SAMD5: variants seen among roughly 807,000 people sequenced by gnomAD.
SAMD5 encodes sterile alpha motif domain-containing protein 5.
SAMD5 carries 13 observed loss-of-function variants against 11.3 expected under a neutral mutation model. The observed-to-expected ratio is 1.15, with a 90% confidence interval of 0.75 to 1.83. The LOEUF is 1.83. Among genes scored for constraint, SAMD5 ranks in the 40% most tolerant of loss-of-function variants. The pLI, the probability that SAMD5 is intolerant of heterozygous loss-of-function variation, is 0.00. For missense variants in SAMD5, 255 were observed against 239.1 expected, an observed-to-expected ratio of 1.07 and a Z score of -0.44; for synonymous variants, 129 against 111.3, an observed-to-expected ratio of 1.16 and a Z score of -1.00.
At chr6:147,645,404 T>C (rs1003379750) in intron 1 of SAMD5, among the ~76,000 whole-genome samples, 2 of 152,148 alleles carry the variant, frequency 1.3e-5, no homozygotes, top group African/African-American at 4.8e-5. Flanking sequence ...CCACGCAATA[T>C]AATTTTAAAG....
chr6:147,659,519 G>T (rs1284337248), intron 1 of SAMD5, among the ~76,000 whole-genome samples: 1 of 152,130 alleles, frequency 6.6e-6, no homozygotes, highest in East Asian at 1.9e-4. Context: ...TAAATGGGAT[G>T]GTTTGGATGA....
In SAMD5 at chr6:147,688,405, C is replaced by T. The variant is rs559177238; in HGVS notation, c.163-48912C>T. ...GATTCTCAGTGATAGTTATCTTTAT[C>T]CAAAATAGGCATACTTTTATTTCAG... On this transcript the variant is annotated intron_variant, in intron 1 of 1. Coordinates refer to the SAMD5 transcript ENST00000566741. Among the ~76,000 whole-genome samples, 8 of 152,124 alleles carry T rather than the reference C, an allele frequency of 5.3e-5. No homozygotes were observed. The South Asian group carries it at 8.3e-4, about 16-fold the overall frequency.
At chr6:147,742,727 AAGATAATGAAGTTTCT>A in the SAMD5 span, among the ~76,000 whole-genome samples, 69 of 152,334 alleles carry the variant, frequency 4.5e-4, no homozygotes, top group African/African-American at 1.6e-3. Context: ...CCCGAAGATT[AAGATAATGAAGTTTCT>A]CCTTGATCAC....
chr6:147,726,443 G>A (rs941304012), intron 1 of SAMD5, among the ~76,000 whole-genome samples: 8 of 152,242 alleles, frequency 5.3e-5, no homozygotes, highest in South Asian at 2.1e-4. Flanking sequence ...TTGCTTATAC[G>A]GAGACCCAGG....
At chr6:147,528,131 G>A (rs1304638153) in intron 1 of SAMD5, among the ~76,000 whole-genome samples, 1 of 152,122 alleles carries the variant, frequency 6.6e-6, no homozygotes, top group African/African-American at 2.4e-5. Context: ...CAACACTGGG[G>A]ATTACAATTT....
chr6:147,586,628 C>T (rs191839608), intron 1 of SAMD5, among the ~76,000 whole-genome samples: 20 of 151,832 alleles, frequency 1.3e-4, no homozygotes, highest in Admixed American at 1.1e-3. Context: ...TTCTTCAATA[C>T]TCTGTGATAA....
chr6:147,946,696 T>G, the SAMD5 span, among the ~76,000 whole-genome samples: 1 of 152,236 alleles, frequency 6.6e-6, no homozygotes, highest in East Asian at 1.9e-4. Context: ...TTCTGCGCTA[T>G]TTTTTCTTCT....
intron 1 of SAMD5, among the ~76,000 whole-genome samples, chr6:147,542,540 G>T (rs971744659): frequency 6.6e-6 from 1 of 152,186 alleles, no homozygotes; most frequent in Non-Finnish European, 1.5e-5. Flanking sequence ...AAGCCAGTGA[G>T]CCAGGAGTGT....
intron 1 of SAMD5, among the ~76,000 whole-genome samples, chr6:147,638,998 A>G (rs1562340020): frequency 6.6e-6 from 1 of 152,238 alleles, no homozygotes; most frequent in Non-Finnish European, 1.5e-5. Context: ...TAGGACAGAT[A>G]TATAGACTTT....
At chr6:147,858,688 C>A in the SAMD5 span, among the ~76,000 whole-genome samples, 3 of 152,308 alleles carry the variant, frequency 2.0e-5, no homozygotes, top group Non-Finnish European at 2.9e-5. Flanking sequence ...CCCCATCAGG[C>A]CTTAGAAATA....
At chr6:147,833,194 T>C in the SAMD5 span, among the ~76,000 whole-genome samples, 13 of 152,236 alleles carry the variant, frequency 8.5e-5, no homozygotes, top group Non-Finnish European at 1.3e-4. Context: ...TGGCTCTTTA[T>C]GCTCTTACAT....
chr6:147,566,118 T>C lies in SAMD5; in HGVS notation c.*1662T>C, dbSNP rs1278356441. On this transcript the variant is annotated 3_prime_UTR_variant, in exon 2 of 2. Transcript: ENST00000367474. Reference sequence around the variant, plus strand: ...ACAATACTGCTTTAAAAATCTGAAGTTTAAATAGTTTAGCTATTTCTGTAG... The same window carrying C: ...ACAATACTGCTTTAAAAATCTGAAGCTTAAATAGTTTAGCTATTTCTGTAG... 1 of 981,982 alleles carries C rather than the reference T, an allele frequency of 1.0e-6. No homozygotes were observed. Among genetic ancestry groups the C allele is most frequent in the African/African-American group, 1.7e-5 (1 of 57,166 alleles). 60.8% of individuals were successfully genotyped at this position (981,982 alleles called of 1,614,324 possible).
chr6:147,896,755 A>ACACAAAAAAAAAACAAAC, the SAMD5 span, among the ~76,000 whole-genome samples: 1 of 142,462 alleles, frequency 7.0e-6, no homozygotes, highest in Non-Finnish European at 1.5e-5. Flanking sequence ...AAAAAAAAAA[A>ACACAAAAAAAAAACAAAC]AAAAAAAACG....
the SAMD5 span, among the ~76,000 whole-genome samples, chr6:147,888,885 CAAA>C: frequency 5.3e-4 from 71 of 134,776 alleles, no homozygotes; most frequent in Non-Finnish European, 7.1e-4. Context: ...AACTCCATCT[CAAA>C]AAAAAAAAAA....
intron 1 of SAMD5, among the ~76,000 whole-genome samples, chr6:147,584,271 C>A (rs1268057274): frequency 6.6e-6 from 1 of 152,156 alleles, no homozygotes; most frequent in African/African-American, 2.4e-5. Context: ...GGTTCATAAA[C>A]ATCATTCAGA....
intron 1 of SAMD5, among the ~76,000 whole-genome samples, chr6:147,619,497 C>T (rs868592137): frequency 1.6e-4 from 24 of 152,220 alleles, no homozygotes; most frequent in Middle Eastern, 3.4e-3. Flanking sequence ...TGTGAGGATA[C>T]GTTTAAGTAA....
intron 1 of SAMD5, among the ~76,000 whole-genome samples, chr6:147,542,243 G>A (rs1046467568): frequency 1.3e-5 from 2 of 152,182 alleles, no homozygotes; most frequent in Admixed American, 6.5e-5. Flanking sequence ...CTAGGTGGCC[G>A]CTTGGGCTGG....
chr6:147,514,240 A>G (rs904531701), intron 1 of SAMD5, among the ~76,000 whole-genome samples: 1 of 151,980 alleles, frequency 6.6e-6, no homozygotes, highest in Non-Finnish European at 1.5e-5. Context: ...CTTCTCCTCC[A>G]GGTCAAGGGG....
chr6:147,644,070 G>A (rs1433559700), intron 1 of SAMD5, among the ~76,000 whole-genome samples: 1 of 152,108 alleles, frequency 6.6e-6, no homozygotes, highest in Non-Finnish European at 1.5e-5. Context: ...TTCATTGCAT[G>A]ATGAATGTTT....
Sources: gnomAD v4.1 joint callset for allele counts (sites outside exome capture counted in the v4.1 genomes callset) on GRCh38, gnomAD v4.1.1 for gene constraint, MANE v1.5 for transcripts, NCBI Gene and HGNC (gene_info 2026-07-23, HGNC 2026-07-21) for gene names.